COX7B2: variants seen among roughly 807,000 people sequenced by gnomAD.
COX7B2 encodes cytochrome c oxidase subunit 7B2, mitochondrial.
For missense variants in COX7B2, 109 were observed against 95.9 expected (o/e 1.14, Z -0.57); for synonymous variants, 37 against 32.1 (o/e 1.15, Z -0.51).
At chr4:46,880,531 G>A (rs893275168) in intron 1 of COX7B2, among the ~76,000 whole-genome samples, 1 of 149,694 alleles carries the variant, frequency 6.7e-6, no homozygotes, top group African/African-American at 2.5e-5. Flanking sequence ...GAGGGTGCAT[G>A]TGTCCAAGAA....
chr4:46,738,578 C>A (rs1714509882), intron 2 of COX7B2, among the ~76,000 whole-genome samples: 1 of 152,024 alleles, frequency 6.6e-6, no homozygotes, highest in Admixed American at 6.6e-5. Context: ...TAAGAAAATT[C>A]AAGGAATTTT....
intron 2 of COX7B2, among the ~76,000 whole-genome samples, chr4:46,754,819 A>C (rs188762522): frequency 1.3e-5 from 2 of 149,200 alleles, no homozygotes; most frequent in African/African-American, 4.9e-5. Flanking sequence ...TCTCACCAAC[A>C]AGAAAGCCAG....
intron 1 of COX7B2, among the ~76,000 whole-genome samples, chr4:46,861,527 TA>T (rs1560424882): frequency 1.3e-5 from 2 of 151,938 alleles, no homozygotes. Flanking sequence ...TTAGAAGGCT[TA>T]AAAAAAAGAA....
At chr4:46,801,277 T>C (rs1166816269) in intron 2 of COX7B2, among the ~76,000 whole-genome samples, 2 of 152,128 alleles carry the variant, frequency 1.3e-5, no homozygotes, top group African/African-American at 4.8e-5. Flanking sequence ...TAAAGACATA[T>C]GCACACATAT....
chr4:46,864,793 G>A lies in COX7B2; in HGVS notation c.-104-19779C>T, dbSNP rs191252192. 7.8e-3 allele frequency among the ~76,000 whole-genome samples: 1,187 copies of A among 151,890 alleles called. 18 individuals carry two copies. Among genetic ancestry groups the A allele is most frequent in the African/African-American group, 0.028 (1,142 of 41,440 alleles). ...CTGAGTAGCTGGGACTACAGGCGCC[G>A]GCCACCACGCCCGGCTAATTTTTTG... On this transcript the variant is annotated intron_variant, in intron 1 of 2. Transcript: ENST00000355591.
At chr4:46,877,887 T>A (rs1718444893) in intron 1 of COX7B2, among the ~76,000 whole-genome samples, 1 of 152,074 alleles carries the variant, frequency 6.6e-6, no homozygotes, top group South Asian at 2.1e-4. Context: ...GGTATATACC[T>A]AAAGGAAATG....
At chr4:46,889,817 C>T (rs1719318126) in intron 1 of COX7B2, among the ~76,000 whole-genome samples, 1 of 151,756 alleles carries the variant, frequency 6.6e-6, no homozygotes, top group Admixed American at 6.6e-5. Flanking sequence ...CACTCTGAAA[C>T]TGATATGAAA....
chr4:46,859,508 T>G (rs1354969733), intron 1 of COX7B2, among the ~76,000 whole-genome samples: 2 of 152,338 alleles, frequency 1.3e-5, no homozygotes, highest in East Asian at 1.9e-4. Context: ...GAAGGACTTT[T>G]AATTATGAAA....
At chr4:46,864,016 A>G (rs747345571) in intron 1 of COX7B2, among the ~76,000 whole-genome samples, 1 of 152,152 alleles carries the variant, frequency 6.6e-6, no homozygotes, top group African/African-American at 2.4e-5. Context: ...TATGCCCGCT[A>G]TTTGGAATTT....
intron 2 of COX7B2, among the ~76,000 whole-genome samples, chr4:46,739,402 G>T (rs938955604): frequency 6.6e-6 from 1 of 151,976 alleles, no homozygotes; most frequent in Admixed American, 6.6e-5. Flanking sequence ...TCTTTAATTG[G>T]AAATGGTTCA....
chr4:46,826,715 A>G (rs1007761069), intron 2 of COX7B2, among the ~76,000 whole-genome samples: 4 of 152,168 alleles, frequency 2.6e-5, no homozygotes, highest in African/African-American at 9.7e-5. Context: ...TTGTGGGAAC[A>G]TGGATCGAGC....
intron 2 of COX7B2, among the ~76,000 whole-genome samples, chr4:46,780,864 C>T (rs986585599): frequency 3.9e-5 from 6 of 152,186 alleles, no homozygotes; most frequent in African/African-American, 1.4e-4. Flanking sequence ...ATGAATATTA[C>T]AACACTGCAT....
chr4:46,815,594 AT>A (rs1203630479), intron 2 of COX7B2, among the ~76,000 whole-genome samples: 1 of 152,188 alleles, frequency 6.6e-6, no homozygotes, highest in Non-Finnish European at 1.5e-5. Context: ...AATAATCTGT[AT>A]TCTCCTACAG....
At chr4:46,886,474 A>G (rs1426789549) in intron 1 of COX7B2, among the ~76,000 whole-genome samples, 1 of 152,166 alleles carries the variant, frequency 6.6e-6, no homozygotes, top group Non-Finnish European at 1.5e-5. Context: ...CTATTGTACT[A>G]TCGAATACAA....
intron 1 of COX7B2, among the ~76,000 whole-genome samples, chr4:46,887,393 T>C (rs1048988975): frequency 6.6e-6 from 1 of 152,090 alleles, no homozygotes; most frequent in Non-Finnish European, 1.5e-5. Flanking sequence ...TCATCTAAGA[T>C]CATGTACATA....
chr4:46,754,171 T>C (rs1228403741), intron 2 of COX7B2, among the ~76,000 whole-genome samples: 3 of 152,084 alleles, frequency 2.0e-5, no homozygotes, highest in Non-Finnish European at 4.4e-5. Context: ...TTCAGGGATC[T>C]AGAACTAGAA....
intron 2 of COX7B2, among the ~76,000 whole-genome samples, chr4:46,821,529 C>A (rs1238842402): frequency 6.6e-6 from 1 of 152,138 alleles, no homozygotes; most frequent in Non-Finnish European, 1.5e-5. Context: ...CAGAACTCTA[C>A]CATTTACTTT....
chr4:46,876,109 C>A (rs536431948), intron 1 of COX7B2, among the ~76,000 whole-genome samples: 1 of 152,092 alleles, frequency 6.6e-6, no homozygotes, highest in Non-Finnish European at 1.5e-5. Context: ...AAACACACTA[C>A]ATCTTATGGA....
At chr4:46,789,467 G>A (rs1717923871) in intron 2 of COX7B2, among the ~76,000 whole-genome samples, 1 of 152,038 alleles carries the variant, frequency 6.6e-6, no homozygotes, top group Non-Finnish European at 1.5e-5. Flanking sequence ...ATATATTTTT[G>A]AGTTGTCTGT....
Sources: gnomAD v4.1 joint callset for allele counts (sites outside exome capture counted in the v4.1 genomes callset) on GRCh38, gnomAD v4.1.1 for gene constraint, MANE v1.5 for transcripts, NCBI Gene and HGNC (gene_info 2026-07-23, HGNC 2026-07-21) for gene names.